CCDC38: variants seen among roughly 807,000 people sequenced by gnomAD.
CCDC38 encodes the protein coiled-coil domain containing 38.
In CCDC38, 69 loss-of-function variants were observed where a neutral mutation model predicts 72.8. The ratio of observed to expected loss-of-function variants is 0.95; its 90% CI spans 0.78 to 1.16. CCDC38 has a LOEUF of 1.16. Ranked by LOEUF, CCDC38 falls within the 50% of genes most tolerant of loss-of-function variation. The probability of loss-of-function intolerance (pLI) is 0.00; values close to 1 mark genes in which losing one functional copy is unlikely to be tolerated. For synonymous variants in CCDC38, 201 were observed against 213.2 expected (o/e 0.94, Z 0.50); for missense variants, 626 against 638.9 (o/e 0.98, Z 0.22).
At chr12:95,868,925 A>G (rs931967678) in intron 15 of CCDC38, among the ~76,000 whole-genome samples, 8 of 152,166 alleles carry the variant, frequency 5.3e-5, no homozygotes, top group African/African-American at 1.9e-4. Context: ...TGTCTTTACA[A>G]TGTGGGGATT....
chr12:95,890,710 A>G, intron 9 of CCDC38, 122 bp downstream of exon 9: 1 of 564,730 alleles, frequency 1.8e-6, no homozygotes, highest in South Asian at 2.4e-5. Flanking sequence ...CCTGGCTGCT[A>G]GGATTGAGGG....
intron 5 of CCDC38, among the ~76,000 whole-genome samples, chr12:95,906,184 C>T (rs1031899373): frequency 1.3e-5 from 2 of 152,166 alleles, no homozygotes; most frequent in Non-Finnish European, 2.9e-5. Flanking sequence ...CTTTGAGAGG[C>T]AGGTCTTTGC....
At chr12:95,923,003 A>C (rs2080225648) in intron 2 of CCDC38, among the ~76,000 whole-genome samples, 1 of 152,138 alleles carries the variant, frequency 6.6e-6, no homozygotes, top group Non-Finnish European at 1.5e-5. Context: ...GCCCTCATCC[A>C]TGTGGGTGAG....
At chr12:95,910,961 T>G (rs1401290281) in intron 4 of CCDC38, among the ~76,000 whole-genome samples, 1 of 152,134 alleles carries the variant, frequency 6.6e-6, no homozygotes, top group African/African-American at 2.4e-5. Flanking sequence ...AGAACGAAGT[T>G]GGACTCATCA....
chr12:95,900,896 A>G (rs1004182161), intron 5 of CCDC38, among the ~76,000 whole-genome samples: 23 of 152,198 alleles, frequency 1.5e-4, no homozygotes, highest in African/African-American at 5.1e-4. Flanking sequence ...GGATTATGGC[A>G]TTTTGGATCG....
At position 95,899,178 on chromosome 12, in the gene CCDC38, G is replaced by C. The variant is rs1194581280; in HGVS notation, c.370-447C>G. ...ATGCATTCCTGGGAGCCAGCCCAAG[G>C]GTACCACATCTAACTGTAATCAAAG... On this transcript the variant is annotated intron_variant, in intron 5 of 15. Transcript: ENST00000344280. 2.6e-5 allele frequency among the ~76,000 whole-genome samples: 4 copies of C among 152,172 alleles called. No homozygotes were observed. The East Asian group carries it at 5.8e-4, about 22-fold the overall frequency.
At chr12:95,919,529 A>C in intron 2 of CCDC38, 1 of 456,044 alleles carries the variant, frequency 2.2e-6, no homozygotes, top group South Asian at 1.5e-5. Flanking sequence ...AGTTTGCTTT[A>C]ACAGTAGAAT....
At chr12:95,878,499 A>C (rs2121424610) in intron 12 of CCDC38, among the ~76,000 whole-genome samples, 153 bp from the exon 13 acceptor site, 1 of 152,318 alleles carries the variant, frequency 6.6e-6, no homozygotes, top group South Asian at 2.1e-4. Flanking sequence ...AAGTACATGC[A>C]ACTTTTCAAG....
intron 4 of CCDC38, among the ~76,000 whole-genome samples, chr12:95,911,332 G>A (rs1211500463): frequency 1.3e-5 from 2 of 152,136 alleles, no homozygotes; most frequent in South Asian, 4.1e-4. Flanking sequence ...ATTGGCCTAG[G>A]AAAAGTTCTC....
At chr12:95,908,930 A>G (rs2080060732) in intron 4 of CCDC38, among the ~76,000 whole-genome samples, 1 of 152,278 alleles carries the variant, frequency 6.6e-6, no homozygotes, top group Admixed American at 6.5e-5. Context: ...GGAAATTTAT[A>G]CATATGCTAC....
rs1347843540 is a variant in CCDC38, at chr12:95,878,447, T to C, written c.1143-101A>G. ...ACTCTAGATCATGTGTCAAAATCCA[T>C]GTAGTGAGCCAAATACAAGTCTGTA... On this transcript the variant is annotated intron_variant, in intron 12 of 15. Transcript: ENST00000344280. 1.1e-5 allele frequency: 12 copies of C among 1,138,636 alleles called. No individual in the cohort carries two copies. The South Asian group carries it at 1.3e-4, about 12-fold the overall frequency. 70.5% of individuals were successfully genotyped at this position (1,138,636 alleles called of 1,614,324 possible). A position where few individuals can be genotyped will look rare whatever the true frequency, so the allele number is the denominator to read the frequency against.
chr12:95,915,257 C>T (rs192774946), intron 4 of CCDC38, among the ~76,000 whole-genome samples: 25 of 152,308 alleles, frequency 1.6e-4, no homozygotes, highest in Admixed American at 3.3e-4. Flanking sequence ...TAATAAAGCC[C>T]TCCCAAAGCA....
chr12:95,909,069 GA>G (rs1382488735), intron 4 of CCDC38, among the ~76,000 whole-genome samples: 4 of 151,974 alleles, frequency 2.6e-5, no homozygotes, highest in African/African-American at 9.7e-5. Flanking sequence ...AAATGAAATT[GA>G]GACAAAAAAA....
chr12:95,922,514 G>T (rs1565964187), intron 2 of CCDC38, among the ~76,000 whole-genome samples: 1 of 152,178 alleles, frequency 6.6e-6, no homozygotes, highest in Non-Finnish European at 1.5e-5. Flanking sequence ...TAATTTCATG[G>T]CTGACAGTGC....
chr12:95,893,756 C>G lies in CCDC38; in HGVS notation c.772+1233G>C, dbSNP rs568012148. Among the ~76,000 whole-genome samples, 53 of 152,132 alleles carry G rather than the reference C, an allele frequency of 3.5e-4. No homozygotes were observed. The South Asian group carries it at 8.3e-3, about 24-fold the overall frequency. On this transcript the variant is annotated intron_variant, in intron 8 of 15. Coordinates refer to ENST00000344280, the MANE Select transcript of CCDC38 (RefSeq NM_182496.3). Reference sequence around the variant, plus strand: ...TTGGCCTCCCAAAATGCTGGGATTACAGACATGAGCCACCATGTCCCACCT... The same window carrying G: ...TTGGCCTCCCAAAATGCTGGGATTAGAGACATGAGCCACCATGTCCCACCT...
chr12:95,912,450 G>A (rs1486400976), intron 4 of CCDC38, among the ~76,000 whole-genome samples: 1 of 152,130 alleles, frequency 6.6e-6, no homozygotes, highest in African/African-American at 2.4e-5. Context: ...GTGGTCACTA[G>A]AAGCAGGGAA....
intron 13 of CCDC38, among the ~76,000 whole-genome samples, chr12:95,873,961 T>A (rs113608531): frequency 8.8e-4 from 134 of 152,338 alleles, no homozygotes; most frequent in African/African-American, 3.0e-3. Flanking sequence ...ATGAATGACA[T>A]GATCCTTTTA....
chr12:95,941,592 T>A (rs2080451490), intron 1 of CCDC38, among the ~76,000 whole-genome samples: 1 of 152,228 alleles, frequency 6.6e-6, no homozygotes, highest in African/African-American at 2.4e-5. Context: ...CCTTTATACA[T>A]ACAATTGCAT....
chr12:95,927,238 C>CGT (rs2080281552), intron 2 of CCDC38, among the ~76,000 whole-genome samples: 2 of 151,764 alleles, frequency 1.3e-5, no homozygotes, highest in African/African-American at 4.8e-5. Flanking sequence ...GTATTGGGTG[C>CGT]ATATATATTT....
Sources: gnomAD v4.1 joint callset for allele counts (sites outside exome capture counted in the v4.1 genomes callset) on GRCh38, gnomAD v4.1.1 for gene constraint, MANE v1.5 for transcripts, NCBI Gene and HGNC (gene_info 2026-07-23, HGNC 2026-07-21) for gene names.